The following PLCE1 variants were observed in gnomAD, a reference collection of about 807,000 sequenced individuals.
The protein encoded by PLCE1 is phospholipase C epsilon 1.
Under a neutral mutation model 242.8 loss-of-function variants are expected in PLCE1, and 119 were observed. That is an observed-to-expected ratio of 0.49 (90% CI 0.42 to 0.57). The LOEUF is 0.57. Among genes scored for constraint, PLCE1 ranks in the 20% least tolerant of loss-of-function variants. The probability of loss-of-function intolerance (pLI) is 0.00; values close to 1 mark genes in which losing one functional copy is unlikely to be tolerated. For synonymous variants in PLCE1, 945 were observed against 1,017.4 expected, an observed-to-expected ratio of 0.93 and a Z score of 1.35; for missense variants, 2,441 against 2,788.8, an observed-to-expected ratio of 0.88 and a Z score of 2.81.
chr10:94,320,166 G>A (rs146734757), intron 29 of PLCE1, among the ~76,000 whole-genome samples: 13 of 152,076 alleles, frequency 8.5e-5, no homozygotes, highest in Non-Finnish European at 1.6e-4. Context: ...ATGATGATCA[G>A]TGCAATGACA....
rs1451809874 is a variant in PLCE1 at position 93,994,060 on chromosome 10, G to C, written c.-563G>C. On this transcript the variant is annotated 5_prime_UTR_variant, in exon 1 of 33. Coordinates refer to ENST00000371380, the MANE Select transcript of PLCE1 (RefSeq NM_016341.4). ...GGAGGGGCAGCGGCGGCGCGCCCGG[G>C]CTCTACCTCCCGGGCTCTGCCTCCC... 1.2e-5 allele frequency among the ~76,000 whole-genome samples: 1 copy of C among 84,712 alleles called. No homozygotes were observed. The highest frequency in any genetic ancestry group is 3.9e-5 in the African/African-American group (1 of 25,950). 55.6% of individuals were successfully genotyped at this position (84,712 alleles called of 152,430 possible). A position where few individuals can be genotyped will look rare whatever the true frequency, so the allele number is the denominator to read the frequency against.
intron 3 of PLCE1, 70 bp from the exon 4 acceptor site, chr10:94,171,110 T>C: frequency 8.1e-7 from 1 of 1,238,044 alleles, no homozygotes; most frequent in Non-Finnish European, 1.2e-6. Context: ...TTGGAATGGC[T>C]CTCAAGTAAA....
At chr10:94,075,729 C>T (rs900731243) in intron 2 of PLCE1, among the ~76,000 whole-genome samples, 9 of 152,182 alleles carry the variant, frequency 5.9e-5, no homozygotes, top group Non-Finnish European at 1.3e-4. Flanking sequence ...CCTGAGTGAA[C>T]TGGGAAAGGC....
At chr10:94,262,384 C>T in intron 13 of PLCE1, 110 bp from the exon 14 acceptor site, 1 of 805,766 alleles carries the variant, frequency 1.2e-6, no homozygotes, top group South Asian at 1.4e-5. Context: ...TGTTTAGGTA[C>T]ATTAGTAAAG....
intron 2 of PLCE1, among the ~76,000 whole-genome samples, chr10:94,052,897 A>C (rs1430148738): frequency 2.6e-5 from 4 of 152,202 alleles, no homozygotes; most frequent in Admixed American, 2.0e-4. Context: ...CTCTGACTCC[A>C]TGACAAAATG....
At chr10:94,179,498 T>C (rs1190101398) in intron 4 of PLCE1, among the ~76,000 whole-genome samples, 4 of 123,902 alleles carry the variant, frequency 3.2e-5, no homozygotes, top group Admixed American at 1.9e-4. Context: ...TTATCTTATT[T>C]TTATTTTAGT....
rs112024325 is a variant in PLCE1, at chr10:94,283,348, C to T, written c.4796-442C>T. On this transcript the variant is annotated intron_variant, in intron 20 of 32. Coordinates refer to ENST00000371380, the MANE Select transcript of PLCE1 (RefSeq NM_016341.4). ...TTCTCAAGGTAAAAGAAGTAAATAG[C>T]TTCATTTCAAAGTGAGAGTGAGTCA... The T allele has an allele frequency of 4.6e-3, 745 of 162,290 alleles. 3 individuals are homozygous for T. Among genetic ancestry groups the T allele is most frequent in the African/African-American group, 0.017 (709 of 41,574 alleles). 10.1% of individuals were successfully genotyped at this position (162,290 alleles called of 1,614,324 possible). A position where few individuals can be genotyped will look rare whatever the true frequency, so the allele number is the denominator to read the frequency against.
chr10:94,162,923 C>A lies in PLCE1; in HGVS notation c.1493-8257C>A, dbSNP rs200410803. ...TTCATTTCATTATGTACCCAGTAGTCATTCAGGAGCAGGTTGTTCAGTTTC... is the reference window on the plus strand; with the variant it reads ...TTCATTTCATTATGTACCCAGTAGTAATTCAGGAGCAGGTTGTTCAGTTTC... On this transcript the variant is annotated intron_variant, in intron 3 of 32. Coordinates refer to ENST00000371380, the MANE Select transcript of PLCE1 (RefSeq NM_016341.4). 7.0e-4 allele frequency among the ~76,000 whole-genome samples: 106 copies of A among 152,292 alleles called. No individual in the cohort carries two copies. In the East Asian group the frequency reaches 0.015, roughly 22 times the overall value.
chr10:94,172,721 G>A (rs1359117036), intron 4 of PLCE1, among the ~76,000 whole-genome samples: 2 of 152,156 alleles, frequency 1.3e-5, no homozygotes, highest in African/African-American at 2.4e-5. Context: ...CTACTGTGGA[G>A]GCTGAGACCC....
At chr10:94,166,915 C>A (rs1213281769) in intron 3 of PLCE1, among the ~76,000 whole-genome samples, 2 of 152,050 alleles carry the variant, frequency 1.3e-5, no homozygotes, top group Non-Finnish European at 1.5e-5. Flanking sequence ...TGATTATGAC[C>A]AAGCTACGGG....
At chr10:94,323,649 A>T (rs907697092) in intron 30 of PLCE1, among the ~76,000 whole-genome samples, 1 of 152,220 alleles carries the variant, frequency 6.6e-6, no homozygotes, top group Admixed American at 6.5e-5. Context: ...AGCAAATGGT[A>T]AACATTACTT....
intron 1 of PLCE1, among the ~76,000 whole-genome samples, chr10:93,997,828 A>G (rs1357633622): frequency 1.3e-5 from 2 of 152,070 alleles, no homozygotes; most frequent in African/African-American, 4.8e-5. Context: ...TGTCAGCCAC[A>G]CTTGTTTTTG....
Position 94,306,262 on chromosome 10 carries a change from G to A in PLCE1, c.5623-165G>A, listed in dbSNP as rs1039843282. Among the ~76,000 whole-genome samples, 5 of 152,064 alleles carry A rather than the reference G, an allele frequency of 3.3e-5. No homozygotes were observed. Among genetic ancestry groups the A allele is most frequent in the South Asian group, 2.1e-4 (1 of 4,822 alleles). The stretch of plus-strand genomic sequence containing the variant: ...TGGGATTACAGGCATAAGCCACCGC[G>A]CCCAGCCCTACAATCACTTACTTTT... On this transcript the variant is annotated intron_variant, in intron 25 of 32. Transcript: ENST00000371380. The surrounding 1 kb of genome is among the most constrained non-coding windows in gnomAD (Gnocchi z 5.7).
At chr10:94,056,455 CA>C (rs1200660007) in intron 2 of PLCE1, among the ~76,000 whole-genome samples, 2 of 151,856 alleles carry the variant, frequency 1.3e-5, no homozygotes, top group East Asian at 3.9e-4. Flanking sequence ...TGTATCTATT[CA>C]AAAAAATTAA....
At chr10:93,995,551 C>G (rs2060804639) in intron 1 of PLCE1, among the ~76,000 whole-genome samples, 1 of 152,164 alleles carries the variant, frequency 6.6e-6, no homozygotes, top group African/African-American at 2.4e-5. Context: ...CTAGAAGACT[C>G]TAGAGATAAT....
chr10:94,137,978 G>T, intron 3 of PLCE1: 1 of 387,862 alleles, frequency 2.6e-6, no homozygotes, highest in Non-Finnish European at 5.1e-6. Context: ...CATTCATCCT[G>T]ATAACATGTC....
chr10:94,100,108 T>C (rs1346355133), intron 2 of PLCE1: 1 of 152,206 alleles, frequency 6.6e-6, no homozygotes, highest in African/African-American at 2.4e-5. Flanking sequence ...TGCATCTCAC[T>C]TTCTTTCCAG....
intron 2 of PLCE1, among the ~76,000 whole-genome samples, chr10:94,064,801 C>T (rs1357671747): frequency 1.3e-5 from 2 of 152,154 alleles, no homozygotes; most frequent in Non-Finnish European, 2.9e-5. Context: ...AGGGAGCATT[C>T]AGAGTCCCTG....
At chr10:94,302,369 C>G (rs1431788010) in intron 24 of PLCE1, among the ~76,000 whole-genome samples, 1 of 152,098 alleles carries the variant, frequency 6.6e-6, no homozygotes, top group Non-Finnish European at 1.5e-5. Flanking sequence ...CATATGTACC[C>G]CGGAACTTAA....
Sources: gnomAD v4.1 joint callset for allele counts (sites outside exome capture counted in the v4.1 genomes callset) on GRCh38, gnomAD v4.1.1 for gene constraint, Gnocchi (gnomAD v3.1) non-coding constraint, MANE v1.5 for transcripts, NCBI Gene and HGNC (gene_info 2026-07-23, HGNC 2026-07-21) for gene names.